The following MAF variants were observed in gnomAD, a reference collection of about 807,000 sequenced individuals.
MAF encodes the protein MAF bZIP transcription factor.
A neutral mutation model predicts 22.0 loss-of-function variants in MAF; 10 were observed. That is an observed-to-expected ratio of 0.45 (90% confidence interval 0.28 to 0.77). The LOEUF is 0.77. Ranked by LOEUF, MAF falls within the 30% of genes least tolerant of loss-of-function variation. The pLI, the probability that MAF is intolerant of heterozygous loss-of-function variation, is 0.12. For missense variants in MAF, 544 were observed against 548.4 expected, an observed-to-expected ratio of 0.99 and a Z score of 0.08; for synonymous variants, 337 against 255.8, an observed-to-expected ratio of 1.32 and a Z score of -3.03.
chr16:79,297,769 A>G, the MAF span, among the ~76,000 whole-genome samples: 2 of 152,188 alleles, frequency 1.3e-5, no homozygotes, highest in African/African-American at 4.8e-5. Context: ...GCTGCGTGCC[A>G]TTGGCTTCTC....
the MAF span, among the ~76,000 whole-genome samples, chr16:79,503,963 G>C: frequency 8.5e-5 from 13 of 152,184 alleles, no homozygotes; most frequent in African/African-American, 2.9e-4. Flanking sequence ...CATAATTTCT[G>C]TCTGTAACAT....
At chr16:79,273,949 C>CTTTT in the MAF span, among the ~76,000 whole-genome samples, 183 of 86,436 alleles carry the variant, frequency 2.1e-3, 1 homozygote, top group East Asian at 0.021. Context: ...TCGTGTCTGC[C>CTTTT]TTTTTTTTTT....
At chr16:79,519,314 C>T in the MAF span, among the ~76,000 whole-genome samples, 2 of 152,144 alleles carry the variant, frequency 1.3e-5, no homozygotes, top group Admixed American at 6.5e-5. Flanking sequence ...TAATGCATTC[C>T]AGCTGTGAAG....
the MAF span, among the ~76,000 whole-genome samples, chr16:79,385,307 G>C: frequency 2.0e-5 from 3 of 152,214 alleles, no homozygotes; most frequent in African/African-American, 7.2e-5. Context: ...TTGCTCATTG[G>C]ATTACACTGA....
the MAF span, among the ~76,000 whole-genome samples, chr16:79,396,179 T>A: frequency 6.6e-6 from 1 of 152,174 alleles, no homozygotes; most frequent in Admixed American, 6.5e-5. Context: ...GGCCTCCTCC[T>A]GAGACACAGG....
chr16:79,439,621 T>C, the MAF span, among the ~76,000 whole-genome samples: 1 of 152,158 alleles, frequency 6.6e-6, no homozygotes. Flanking sequence ...TTCCAAGGAA[T>C]AGTATATTGC....
the MAF span, among the ~76,000 whole-genome samples, chr16:79,517,428 A>T: frequency 0.84 from 127,428 of 152,210 alleles, 53,615 homozygotes; most frequent in East Asian, 0.92. Flanking sequence ...ACCCAGAGTA[A>T]CCTGGCAGCA....
chr16:79,326,457 C>T, the MAF span, among the ~76,000 whole-genome samples: 1 of 152,162 alleles, frequency 6.6e-6, no homozygotes, highest in South Asian at 2.1e-4. Context: ...TAGCACAACA[C>T]CTATATTTAA....
At chr16:79,250,683 A>G in the MAF span, among the ~76,000 whole-genome samples, 1 of 152,174 alleles carries the variant, frequency 6.6e-6, no homozygotes, top group African/African-American at 2.4e-5. Context: ...GTCTATTTAT[A>G]GAGAATCTGG....
the MAF span, among the ~76,000 whole-genome samples, chr16:79,551,748 C>T: frequency 1.3e-5 from 2 of 152,254 alleles, no homozygotes; most frequent in African/African-American, 2.4e-5. Flanking sequence ...CAAATTTTAG[C>T]GTCCATAAAT....
the MAF span, among the ~76,000 whole-genome samples, chr16:79,479,558 C>T: frequency 6.6e-5 from 10 of 152,190 alleles, no homozygotes; most frequent in Non-Finnish European, 1.5e-4. Flanking sequence ...TGACTCCCTG[C>T]TGACAGCGGG....
the MAF span, among the ~76,000 whole-genome samples, chr16:79,282,753 G>A: frequency 3.3e-5 from 5 of 152,150 alleles, no homozygotes; most frequent in Admixed American, 1.3e-4. Flanking sequence ...GCATTGGCAG[G>A]TGGTTTCATC....
At chr16:79,533,351 T>G in the MAF span, among the ~76,000 whole-genome samples, 2 of 152,178 alleles carry the variant, frequency 1.3e-5, no homozygotes, top group African/African-American at 4.8e-5. Context: ...TCCTTTTCTA[T>G]TTTATATACA....
intron 1 of MAF, chr16:79,594,860 A>C: frequency 1.6e-6 from 2 of 1,221,280 alleles, no homozygotes; most frequent in African/African-American, 1.5e-5. Context: ...TTTGCATTTG[A>C]TTTTCTAAAG....
the MAF span, among the ~76,000 whole-genome samples, chr16:79,249,592 A>C: frequency 2.0e-5 from 3 of 152,096 alleles, no homozygotes; most frequent in African/African-American, 4.8e-5. Flanking sequence ...ATAAATCTCT[A>C]TTGTTTATAA....
At chr16:79,226,283 A>C in the MAF span, among the ~76,000 whole-genome samples, 7 of 152,330 alleles carry the variant, frequency 4.6e-5, no homozygotes, top group East Asian at 1.4e-3. Flanking sequence ...ACAAGAACAG[A>C]AAACCAAACA....
the MAF span, among the ~76,000 whole-genome samples, chr16:79,515,369 G>A: frequency 2.6e-5 from 4 of 152,174 alleles, no homozygotes; most frequent in East Asian, 7.7e-4. Context: ...ACATTCAGTA[G>A]AAACTGTACT....
chr16:79,407,576 A>G, the MAF span, among the ~76,000 whole-genome samples: 2 of 152,074 alleles, frequency 1.3e-5, no homozygotes, highest in African/African-American at 2.4e-5. Flanking sequence ...TATTCCTAAC[A>G]TCATGGCCAT....
the MAF span, among the ~76,000 whole-genome samples, chr16:79,487,017 C>A: frequency 6.6e-6 from 1 of 151,878 alleles, no homozygotes; most frequent in African/African-American, 2.4e-5. Flanking sequence ...ACTTGGTGGT[C>A]GAGGTGAGAG....
Sources: gnomAD v4.1 joint callset for allele counts (sites outside exome capture counted in the v4.1 genomes callset) on GRCh38, gnomAD v4.1.1 for gene constraint, MANE v1.5 for transcripts, NCBI Gene and HGNC (gene_info 2026-07-23, HGNC 2026-07-21) for gene names.